The following TENT2 variants were observed in gnomAD, a reference collection of about 807,000 sequenced individuals.
TENT2 encodes poly(A) RNA polymerase GLD2.
TENT2 carries 44 observed loss-of-function variants against 72.2 expected under a neutral mutation model. The ratio of observed to expected loss-of-function variants is 0.61; its 90% CI spans 0.48 to 0.78. The LOEUF is 0.78. TENT2 is among the 30% of genes least tolerant of loss of function. The probability of loss-of-function intolerance (pLI) is 0.00; values close to 1 mark genes in which losing one functional copy is unlikely to be tolerated. For missense variants in TENT2, 541 were observed against 569.6 expected (o/e 0.95, Z 0.51); for synonymous variants, 212 against 192.5 (o/e 1.10, Z -0.84).
At chr5:79,641,924 G>C (rs1784813414) in intron 6 of TENT2, among the ~76,000 whole-genome samples, 1 of 151,808 alleles carries the variant, frequency 6.6e-6, no homozygotes, top group South Asian at 2.1e-4. Context: ...GAAAGTTTCA[G>C]ATTTTGGATT....
At chr5:79,613,500 C>A (rs924805324) in intron 1 of TENT2, among the ~76,000 whole-genome samples, 6 of 152,074 alleles carry the variant, frequency 3.9e-5, no homozygotes, top group Admixed American at 3.9e-4. Context: ...TTGTAAATAT[C>A]TTCATATTGT....
chr5:79,638,302 C>CT (rs1397701760), intron 4 of TENT2, among the ~76,000 whole-genome samples: 1 of 152,082 alleles, frequency 6.6e-6, no homozygotes, highest in Non-Finnish European at 1.5e-5. Context: ...TGCCAGGGAC[C>CT]TTTCACCTGC....
rs1384248235 is a variant in TENT2, at chr5:79,686,512, T to C, written c.*1239T>C. The C allele has an allele frequency of 6.6e-6, 1 of 151,818 alleles. No homozygotes were observed. Among genetic ancestry groups the C allele is most frequent in the African/African-American group, 2.4e-5 (1 of 41,164 alleles). The allele number at this position is 151,818 out of a possible 1,614,324, so 9.4% of individuals were successfully genotyped here. A position where few individuals can be genotyped will look rare whatever the true frequency, so the allele number is the denominator to read the frequency against. On this transcript the variant is annotated 3_prime_UTR_variant, in exon 15 of 15. Transcript: ENST00000453514. ...GTAGTACAGTTTTGTACCTCTAACG[T>C]ATTTTTTTTTTGCAGACCAAATGCT...
intron 10 of TENT2, among the ~76,000 whole-genome samples, chr5:79,653,569 A>G (rs889681285): frequency 2.6e-5 from 4 of 152,182 alleles, no homozygotes; most frequent in Admixed American, 6.5e-5. Flanking sequence ...ACTTTGCCAA[A>G]CATTTTATTT....
intron 4 of TENT2, among the ~76,000 whole-genome samples, chr5:79,636,594 T>C (rs1780327204): frequency 6.6e-6 from 1 of 152,226 alleles, no homozygotes. Context: ...GAAAGAAGCC[T>C]TCTGGGCTTT....
chr5:79,671,889 G>T (rs920370769), intron 12 of TENT2, among the ~76,000 whole-genome samples: 1 of 151,948 alleles, frequency 6.6e-6, no homozygotes. Context: ...GATCACTTGA[G>T]CCCAGAAGTT....
chr5:79,653,369 G>A (rs566123279), intron 10 of TENT2, among the ~76,000 whole-genome samples: 122 of 152,080 alleles, frequency 8.0e-4, no homozygotes, highest in African/African-American at 2.7e-3. Flanking sequence ...GGCACATATC[G>A]TTAGTCCTAG....
At chr5:79,640,013 T>TCCCAAAG (rs1783128870) in intron 4 of TENT2, among the ~76,000 whole-genome samples, 1 of 151,936 alleles carries the variant, frequency 6.6e-6, no homozygotes, top group African/African-American at 2.4e-5. Context: ...TCCCAGCACT[T>TCCCAAAG]TGGGAGGCTG....
At chr5:79,632,344 T>G (rs1396349397) in intron 4 of TENT2, among the ~76,000 whole-genome samples, 1 of 152,182 alleles carries the variant, frequency 6.6e-6, no homozygotes, top group East Asian at 1.9e-4. Flanking sequence ...TTTGTCTTTT[T>G]TAAGTTACTG....
chr5:79,627,072 G>T (rs1770797296), intron 4 of TENT2, among the ~76,000 whole-genome samples: 1 of 151,552 alleles, frequency 6.6e-6, no homozygotes, highest in East Asian at 2.0e-4. Flanking sequence ...GGAGGTTACA[G>T]TGAGCCGAGA....
chr5:79,617,020 C>G (rs3846680), intron 1 of TENT2, among the ~76,000 whole-genome samples: 2 of 151,504 alleles, frequency 1.3e-5, no homozygotes, highest in Non-Finnish European at 1.5e-5. Context: ...CTTTTTCTCC[C>G]CTGTTGTCTC....
intron 10 of TENT2, among the ~76,000 whole-genome samples, chr5:79,653,873 C>T (rs564369624): frequency 2.0e-5 from 3 of 152,190 alleles, no homozygotes; most frequent in Non-Finnish European, 4.4e-5. Flanking sequence ...GTTATTGTAC[C>T]TCACTGGCCT....
At chr5:79,661,963 G>C (rs1227723423) in intron 11 of TENT2, among the ~76,000 whole-genome samples, 1 of 152,084 alleles carries the variant, frequency 6.6e-6, no homozygotes, top group Non-Finnish European at 1.5e-5. Context: ...TAAATCCTTT[G>C]TTTATACACT....
chr5:79,661,332 G>GT (rs1238166660), intron 11 of TENT2, among the ~76,000 whole-genome samples: 2 of 152,084 alleles, frequency 1.3e-5, no homozygotes, highest in African/African-American at 2.4e-5. Flanking sequence ...AGGGTATACT[G>GT]TTTTTTATCT....
chr5:79,623,604 G>T (rs1477829724), intron 4 of TENT2, 115 bp downstream of exon 4: 1 of 651,426 alleles, frequency 1.5e-6, no homozygotes, highest in Non-Finnish European at 2.4e-6. Flanking sequence ...TTGTTGCAAT[G>T]TTTAAAGTAC....
intron 4 of TENT2, among the ~76,000 whole-genome samples, chr5:79,632,515 G>A (rs1776397100): frequency 6.6e-6 from 1 of 152,026 alleles, no homozygotes; most frequent in African/African-American, 2.4e-5. Context: ...ATTGTTCTTT[G>A]AAATTTCTGG....
chr5:79,668,367 A>C (rs1372434358), intron 11 of TENT2, among the ~76,000 whole-genome samples: 4 of 152,154 alleles, frequency 2.6e-5, no homozygotes, highest in Non-Finnish European at 5.9e-5. Flanking sequence ...TCTAAGATAC[A>C]GAAACAAAAG....
intron 7 of TENT2, 126 bp downstream of exon 7, chr5:79,643,036 C>G: frequency 8.4e-7 from 1 of 1,184,232 alleles, no homozygotes. Context: ...ATTCTTTTTT[C>G]CAAATGAATT....
intron 4 of TENT2, among the ~76,000 whole-genome samples, chr5:79,626,928 G>A (rs10474590): frequency 2.6e-5 from 4 of 151,772 alleles, no homozygotes; most frequent in Non-Finnish European, 4.4e-5. Flanking sequence ...TCAGGAGTTC[G>A]AGACCAGCCT....
Sources: allele counts gnomAD v4.1 joint callset (sites outside exome capture counted in the v4.1 genomes callset), GRCh38; gene constraint gnomAD v4.1.1; transcripts MANE v1.5; gene names NCBI Gene and HGNC (gene_info 2026-07-23, HGNC 2026-07-21).